Variants in GULP1 observed in about 807,000 individuals in gnomAD.
The protein encoded by GULP1 is GULP PTB domain containing engulfment adaptor 1.
In GULP1, 19 loss-of-function variants were observed where a neutral mutation model predicts 40.9. That is an observed-to-expected ratio of 0.46 (90% confidence interval 0.32 to 0.68). The LOEUF (loss-of-function observed/expected upper bound fraction) is 0.68, where lower values mean the gene tolerates loss of function less well. GULP1 is among the 30% of genes least tolerant of loss of function. GULP1 has a pLI of 0.03. For synonymous variants in GULP1, 119 were observed against 117.6 expected (o/e 1.01, Z -0.08); for missense variants, 312 against 362.2 (o/e 0.86, Z 1.12).
Position 188,291,932 on chromosome 2 carries a change from C to A in GULP1, c.-406C>A, listed in dbSNP as rs1035229683. On this transcript the variant is annotated 5_prime_UTR_variant, in exon 1 of 12. Coordinates refer to ENST00000409830, the MANE Select transcript of GULP1 (RefSeq NM_016315.4). The stretch of plus-strand genomic sequence containing the variant: ...CCCGCGTCCCAGCTGCCGCCAGCGC[C>A]AGTTTTGGATTCGGCGGATTAGGAA... The A allele has an allele frequency of 1.3e-5, 2 of 152,404 alleles. No individual in the cohort carries two copies. Among genetic ancestry groups the A allele is most frequent in the Non-Finnish European group, 2.9e-5 (2 of 68,280 alleles). 9.4% of individuals were successfully genotyped at this position (152,404 alleles called of 1,614,324 possible).
At chr2:188,463,143 T>C (rs1327757455) in intron 2 of GULP1, among the ~76,000 whole-genome samples, 1 of 152,200 alleles carries the variant, frequency 6.6e-6, no homozygotes, top group Non-Finnish European at 1.5e-5. Flanking sequence ...TTATTGCTCA[T>C]TAACATACTT....
intron 4 of GULP1, among the ~76,000 whole-genome samples, chr2:188,503,986 AT>A (rs1159859610): frequency 6.6e-6 from 1 of 151,890 alleles, no homozygotes; most frequent in Non-Finnish European, 1.5e-5. Flanking sequence ...AGCCTTGACA[AT>A]CCTTTTTAAA....
At chr2:188,488,710 C>T (rs1284422220) in intron 4 of GULP1, among the ~76,000 whole-genome samples, 2 of 151,968 alleles carry the variant, frequency 1.3e-5, no homozygotes, top group Non-Finnish European at 2.9e-5. Context: ...CTCAATACGG[C>T]CACCTTGGTG....
chr2:188,536,985 A>C (rs1452243568), intron 6 of GULP1, among the ~76,000 whole-genome samples: 2 of 151,808 alleles, frequency 1.3e-5, no homozygotes, highest in African/African-American at 2.4e-5. Context: ...TCTCAGCTTT[A>C]ATGTTATTGG....
chr2:188,378,126 T>G (rs2048523463), intron 1 of GULP1, among the ~76,000 whole-genome samples: 2 of 152,062 alleles, frequency 1.3e-5, no homozygotes, highest in Non-Finnish European at 2.9e-5. Context: ...AGCAACAGTG[T>G]GTTAGATTAT....
At chr2:188,569,898 A>G (rs1016933405) in intron 8 of GULP1, 130 bp from the exon 9 acceptor site, 4 of 529,900 alleles carry the variant, frequency 7.5e-6, no homozygotes, top group African/African-American at 2.0e-5. Context: ...GCTTTATCAA[A>G]CAATTTTCTC....
At chr2:188,422,524 C>T (rs62183212) in intron 2 of GULP1, among the ~76,000 whole-genome samples, 73,452 of 151,350 alleles carry the variant, frequency 0.49, 18,274 homozygotes, top group East Asian at 0.69. Flanking sequence ...TACTATTTAG[C>T]GAACATGTAA....
At chr2:188,571,294 A>G (rs543718347) in intron 9 of GULP1, among the ~76,000 whole-genome samples, 7 of 152,226 alleles carry the variant, frequency 4.6e-5, no homozygotes, top group Non-Finnish European at 8.8e-5. Flanking sequence ...AATATCTAAT[A>G]CTAGAATCAT....
intron 2 of GULP1, among the ~76,000 whole-genome samples, chr2:188,413,260 A>G (rs1379974699): frequency 1.3e-5 from 2 of 152,300 alleles, no homozygotes; most frequent in East Asian, 1.9e-4. Flanking sequence ...TCCTTGAGGA[A>G]TCGCCACACT....
chr2:188,437,216 G>T (rs1575239321), intron 2 of GULP1, among the ~76,000 whole-genome samples: 1 of 152,028 alleles, frequency 6.6e-6, no homozygotes, highest in Admixed American at 6.6e-5. Flanking sequence ...TACATTTTGT[G>T]TCCAAGGAAT....
At chr2:188,367,041 G>A (rs1355904467) in intron 1 of GULP1, among the ~76,000 whole-genome samples, 1 of 152,154 alleles carries the variant, frequency 6.6e-6, no homozygotes, top group Non-Finnish European at 1.5e-5. Flanking sequence ...GTAACAAATG[G>A]ATGTTTTTAC....
Position 188,429,257 on chromosome 2 carries a change from C to G in GULP1, c.-45+45368C>G, listed in dbSNP as rs568570234. Among the ~76,000 whole-genome samples the G allele has an allele frequency of 2.0e-5, 3 of 152,182 alleles. No individual in the cohort carries two copies. In the South Asian group the frequency reaches 6.2e-4, roughly 32 times the overall value. Reference sequence around the variant, plus strand: ...CTGGCTGTCACCTGTAATCCCAGCCCTTTGAGAGACCAAGGCAGGTGGATC... The same window carrying G: ...CTGGCTGTCACCTGTAATCCCAGCCGTTTGAGAGACCAAGGCAGGTGGATC... On this transcript the variant is annotated intron_variant, in intron 2 of 11. Coordinates refer to ENST00000409830, the MANE Select transcript of GULP1 (RefSeq NM_016315.4).
At chr2:188,569,128 G>A (rs905634669) in intron 7 of GULP1, 111 bp from the exon 8 acceptor site, 6 of 664,168 alleles carry the variant, frequency 9.0e-6, no homozygotes, top group Non-Finnish European at 1.7e-5. Flanking sequence ...CCCTTTTGAA[G>A]TACCTCTTGT....
At chr2:188,510,541 T>C (rs866284622) in intron 4 of GULP1, among the ~76,000 whole-genome samples, 1 of 151,966 alleles carries the variant, frequency 6.6e-6, no homozygotes, top group Non-Finnish European at 1.5e-5. Context: ...ATAAGTAGAA[T>C]TGAAAAATAA....
intron 1 of GULP1, among the ~76,000 whole-genome samples, chr2:188,349,157 A>G (rs971049043): frequency 1.3e-5 from 2 of 152,198 alleles, no homozygotes; most frequent in Admixed American, 1.3e-4. Flanking sequence ...TCATTGGTTG[A>G]CAGGCATTTG....
intron 1 of GULP1, among the ~76,000 whole-genome samples, chr2:188,364,506 G>A (rs908021521): frequency 4.6e-5 from 7 of 152,084 alleles, no homozygotes; most frequent in Non-Finnish European, 8.8e-5. Flanking sequence ...AAGACAGACT[G>A]TAACCTTGAA....
chr2:188,387,843 T>G (rs2049979067), intron 2 of GULP1, among the ~76,000 whole-genome samples: 1 of 152,198 alleles, frequency 6.6e-6, no homozygotes, highest in African/African-American at 2.4e-5. Context: ...GGGAGCCAGA[T>G]GAACCATGCT....
intron 2 of GULP1, among the ~76,000 whole-genome samples, chr2:188,435,524 G>A (rs1283097221): frequency 1.3e-5 from 2 of 151,960 alleles, no homozygotes; most frequent in African/African-American, 4.8e-5. Flanking sequence ...CAAATTCTAT[G>A]CCACATGATA....
At chr2:188,304,545 C>T (rs2036713140) in intron 1 of GULP1, among the ~76,000 whole-genome samples, 1 of 152,174 alleles carries the variant, frequency 6.6e-6, no homozygotes. Flanking sequence ...GTCTCAACCA[C>T]CATACTAGCT....
Sources: allele counts gnomAD v4.1 joint callset (sites outside exome capture counted in the v4.1 genomes callset), GRCh38; gene constraint gnomAD v4.1.1; transcripts MANE v1.5; gene names NCBI Gene and HGNC (gene_info 2026-07-23, HGNC 2026-07-21).